PLXDC2: variants seen among roughly 807,000 people sequenced by gnomAD.
The protein encoded by PLXDC2 is plexin domain-containing protein 2.
A neutral mutation model predicts 68.9 loss-of-function variants in PLXDC2; 40 were observed. The observed-to-expected ratio is 0.58, with a 90% CI of 0.45 to 0.76. PLXDC2 has a LOEUF of 0.76. Ranked by LOEUF, PLXDC2 falls within the 30% of genes least tolerant of loss-of-function variation. The pLI is 0.00. For synonymous variants in PLXDC2, 243 were observed against 234.2 expected (o/e 1.04, Z -0.34); for missense variants, 644 against 661.9 (o/e 0.97, Z 0.30).
At chr10:20,155,335 G>A (rs1834203636) in intron 6 of PLXDC2, among the ~76,000 whole-genome samples, 1 of 152,158 alleles carries the variant, frequency 6.6e-6, no homozygotes, top group African/African-American at 2.4e-5. Context: ...AAAAAGAACA[G>A]AACAGTGAGA....
At chr10:20,184,792 G>A (rs1353189112) in intron 9 of PLXDC2, among the ~76,000 whole-genome samples, 1 of 151,746 alleles carries the variant, frequency 6.6e-6, no homozygotes, top group African/African-American at 2.4e-5. Context: ...CCTTTAAGTG[G>A]GTATATTTGC....
At chr10:19,979,558 G>A (rs559587844) in intron 1 of PLXDC2, among the ~76,000 whole-genome samples, 1 of 152,064 alleles carries the variant, frequency 6.6e-6, no homozygotes, top group South Asian at 2.1e-4. Flanking sequence ...TTTTAGCCAA[G>A]GTGGGGTTTT....
chr10:20,232,077 A>G (rs1434020372), intron 12 of PLXDC2, among the ~76,000 whole-genome samples: 1 of 152,210 alleles, frequency 6.6e-6, no homozygotes, highest in Non-Finnish European at 1.5e-5. Context: ...GTTACAGATA[A>G]GAGAATATAT....
At chr10:20,183,885 A>G (rs1233587379) in intron 9 of PLXDC2, among the ~76,000 whole-genome samples, 1 of 151,986 alleles carries the variant, frequency 6.6e-6, no homozygotes, top group African/African-American at 2.4e-5. Context: ...TTGAACACTT[A>G]ACCTCTTGGT....
chr10:19,905,482 C>T (rs918874971), intron 1 of PLXDC2, among the ~76,000 whole-genome samples: 1 of 151,970 alleles, frequency 6.6e-6, no homozygotes, highest in African/African-American at 2.4e-5. Context: ...TGTAAGAGAC[C>T]CAAAGGAGGC....
chr10:19,823,223 A>C (rs542331254), intron 1 of PLXDC2, among the ~76,000 whole-genome samples: 2 of 152,136 alleles, frequency 1.3e-5, no homozygotes, highest in African/African-American at 4.8e-5. Context: ...ATCTTAAAAT[A>C]TGATATACAT....
At chr10:20,210,734 G>A (rs1835058523) in intron 9 of PLXDC2, among the ~76,000 whole-genome samples, 1 of 152,176 alleles carries the variant, frequency 6.6e-6, no homozygotes, top group Admixed American at 6.6e-5. Context: ...AATGCACGTA[G>A]AGTGGAATCC....
At chr10:19,918,443 A>G (rs1833405908) in intron 1 of PLXDC2, among the ~76,000 whole-genome samples, 1 of 152,200 alleles carries the variant, frequency 6.6e-6, no homozygotes, top group South Asian at 2.1e-4. Context: ...TGTGAAAGGA[A>G]GGCCTTGGAA....
intron 4 of PLXDC2, among the ~76,000 whole-genome samples, chr10:20,092,612 A>G (rs1833295203): frequency 6.6e-6 from 1 of 152,132 alleles, no homozygotes; most frequent in African/African-American, 2.4e-5. Flanking sequence ...GATCTGTAGA[A>G]GGTTGAATAA....
chr10:19,845,412 A>T (rs929862311), intron 1 of PLXDC2, among the ~76,000 whole-genome samples: 6 of 152,018 alleles, frequency 3.9e-5, no homozygotes, highest in African/African-American at 1.4e-4. Flanking sequence ...GTTCCTTGGG[A>T]TCTTTGAAAA....
intron 9 of PLXDC2, among the ~76,000 whole-genome samples, chr10:20,205,226 T>A (rs182560516): frequency 1.3e-5 from 2 of 152,216 alleles, no homozygotes; most frequent in Admixed American, 6.5e-5. Context: ...CTTAGTATGT[T>A]CCCTGGGGGC....
At chr10:20,046,493 T>C (rs1234755987) in intron 2 of PLXDC2, among the ~76,000 whole-genome samples, 2 of 152,174 alleles carry the variant, frequency 1.3e-5, no homozygotes, top group African/African-American at 2.4e-5. Flanking sequence ...TTCTTTTCCT[T>C]TTTGTAATCA....
intron 4 of PLXDC2, among the ~76,000 whole-genome samples, chr10:20,134,052 T>G (rs1833902596): frequency 6.6e-6 from 1 of 152,220 alleles, no homozygotes; most frequent in Non-Finnish European, 1.5e-5. Context: ...GAATTTCTGT[T>G]TGGTTCTTTT....
chr10:20,244,179 G>A (rs188663482), intron 12 of PLXDC2, among the ~76,000 whole-genome samples: 64 of 152,178 alleles, frequency 4.2e-4, no homozygotes, highest in Non-Finnish European at 7.4e-4. Flanking sequence ...CAGTCATATG[G>A]TGCACTTAAG....
At chr10:19,998,683 T>C (rs974388969) in intron 1 of PLXDC2, among the ~76,000 whole-genome samples, 3 of 152,210 alleles carry the variant, frequency 2.0e-5, no homozygotes, top group Admixed American at 1.3e-4. Flanking sequence ...AGATCTGTTT[T>C]CCAAGTTTGA....
At chr10:19,952,704 C>G (rs897365713) in intron 1 of PLXDC2, among the ~76,000 whole-genome samples, 3 of 152,020 alleles carry the variant, frequency 2.0e-5, no homozygotes, top group African/African-American at 7.2e-5. Context: ...GGATATGTAC[C>G]TATTTAAAAA....
chr10:20,164,867 G>A (rs1416883598), intron 7 of PLXDC2, among the ~76,000 whole-genome samples: 2 of 152,118 alleles, frequency 1.3e-5, no homozygotes, highest in African/African-American at 4.8e-5. Context: ...CCAGGCTGGA[G>A]TGCAGTGGTG....
At chr10:20,085,953 A>G (rs902036039) in intron 4 of PLXDC2, among the ~76,000 whole-genome samples, 2 of 152,254 alleles carry the variant, frequency 1.3e-5, no homozygotes, top group Admixed American at 1.3e-4. Context: ...GGTAAAAGGA[A>G]AAACTAAGCC....
At chr10:20,012,332 TTTGGAG>T (rs1564656404) in intron 2 of PLXDC2, among the ~76,000 whole-genome samples, 1 of 38,138 alleles carries the variant, frequency 2.6e-5, no homozygotes, top group East Asian at 1.4e-3. Context: ...TTTTTTTTTT[TTTGGAG>T]AAGGAGACTT....
Sources: gnomAD v4.1 joint callset for allele counts (sites outside exome capture counted in the v4.1 genomes callset) on GRCh38, gnomAD v4.1.1 for gene constraint, MANE v1.5 for transcripts, NCBI Gene and HGNC (gene_info 2026-07-23, HGNC 2026-07-21) for gene names.